TRAF3IP1: variants seen among roughly 807,000 people sequenced by gnomAD.
The protein encoded by TRAF3IP1 is intraflagellar transport 54.
In TRAF3IP1, 53 loss-of-function variants were observed where a neutral mutation model predicts 89.9. The observed-to-expected ratio is 0.59, with a 90% CI of 0.47 to 0.74. The LOEUF is 0.74. Among genes scored for constraint, TRAF3IP1 ranks in the 30% least tolerant of loss-of-function variants. The probability of loss-of-function intolerance (pLI) is 0.00; values close to 1 mark genes in which losing one functional copy is unlikely to be tolerated. For synonymous variants in TRAF3IP1, 311 were observed against 322.1 expected, an observed-to-expected ratio of 0.97 and a Z score of 0.37; for missense variants, 806 against 866.1, an observed-to-expected ratio of 0.93 and a Z score of 0.87.
At chr2:238,343,003 G>T (rs1227645351) in intron 8 of TRAF3IP1, among the ~76,000 whole-genome samples, 2 of 152,050 alleles carry the variant, frequency 1.3e-5, no homozygotes, top group African/African-American at 2.4e-5. Flanking sequence ...TTTTTAGAGT[G>T]GTAGGTCCTT....
intron 15 of TRAF3IP1, among the ~76,000 whole-genome samples, chr2:238,366,390 C>T (rs1374697467): frequency 6.6e-6 from 1 of 151,918 alleles, no homozygotes; most frequent in Non-Finnish European, 1.5e-5. Context: ...TAGGCCTTTT[C>T]TCTATAGACA....
chr2:238,399,513 T>C lies in TRAF3IP1; in HGVS notation c.*594T>C, dbSNP rs1013352990. The C allele has an allele frequency of 1.3e-5, 2 of 152,248 alleles. No homozygotes were observed. Among genetic ancestry groups the C allele is most frequent in the African/African-American group, 4.8e-5 (2 of 41,452 alleles). 9.4% of individuals were successfully genotyped at this position (152,248 alleles called of 1,614,324 possible). A position where few individuals can be genotyped will look rare whatever the true frequency, so the allele number is the denominator to read the frequency against. ...TTGTAATTGCATGTACTTCTCTATG[T>C]AATTTTCCTCTTGATCTCTACTATC... On this transcript the variant is annotated 3_prime_UTR_variant, in exon 17 of 17. Coordinates refer to ENST00000373327, the MANE Select transcript of TRAF3IP1 (RefSeq NM_015650.4).
chr2:238,389,091 A>G (rs1445737635), intron 15 of TRAF3IP1, among the ~76,000 whole-genome samples: 1 of 152,192 alleles, frequency 6.6e-6, no homozygotes, highest in Non-Finnish European at 1.5e-5. Context: ...AATGTCGGGT[A>G]GAGCTCTGCT....
Position 238,334,483 on chromosome 2 carries a change from G to A in TRAF3IP1, c.1063+448G>A, listed in dbSNP as rs142345405. ...GCCATGCTAAAAGCCGAATGTACAG[G>A]CCTGGCCTGCGGTCCGCTGAAGGAT... On this transcript the variant is annotated intron_variant, in intron 7 of 16. Coordinates refer to ENST00000373327, the MANE Select transcript of TRAF3IP1 (RefSeq NM_015650.4). Among the ~76,000 whole-genome samples the A allele has an allele frequency of 1.0e-3, 152 of 151,880 alleles. 1 individual carries two copies. Among genetic ancestry groups the A allele is most frequent in the African/African-American group, 3.4e-3 (143 of 41,552 alleles).
At chr2:238,397,394 A>C in intron 15 of TRAF3IP1, 65 bp from the exon 16 acceptor site, 1 of 1,450,224 alleles carries the variant, frequency 6.9e-7, no homozygotes, top group Non-Finnish European at 9.6e-7. Flanking sequence ...TGCTGAGTGC[A>C]CCGGCCCTGT....
intron 15 of TRAF3IP1, among the ~76,000 whole-genome samples, chr2:238,396,552 AAAAGG>A (rs1701233478): frequency 6.6e-6 from 1 of 152,118 alleles, no homozygotes; most frequent in Admixed American, 6.5e-5. Context: ...ATTAAAAAAA[AAAAGG>A]AAAGAAGGAG....
chr2:238,384,662 C>T (rs569825543), intron 15 of TRAF3IP1, among the ~76,000 whole-genome samples: 12 of 150,884 alleles, frequency 8.0e-5, no homozygotes, highest in African/African-American at 2.7e-4. Flanking sequence ...GGATTACAGG[C>T]GTGAGCCACC....
At chr2:238,356,150 G>A (rs1040780536) in intron 15 of TRAF3IP1, 70 bp downstream of exon 15, 2 of 1,219,058 alleles carry the variant, frequency 1.6e-6, no homozygotes, top group African/African-American at 3.2e-5. Flanking sequence ...ACTTTTACAA[G>A]TTGGAGCATC....
In TRAF3IP1 at chr2:238,389,777, A is replaced by ATAATAG. The variant is rs1491179129; in HGVS notation, c.1690-7680_1690-7679insATAGTA. On this transcript the variant is annotated intron_variant, in intron 15 of 16. Coordinates refer to ENST00000373327, the MANE Select transcript of TRAF3IP1 (RefSeq NM_015650.4). ...AATAATAATAATAATAATAATAATA[A>ATAATAG]TAGTAATAATTCTCTTGAAGGATTG... is the stretch of plus-strand genomic sequence containing the variant. Among the ~76,000 whole-genome samples the ATAATAG allele has an allele frequency of 2.7e-4, 39 of 144,894 alleles. 1 individual carries two copies. Among genetic ancestry groups the ATAATAG allele is most frequent in the African/African-American group, 9.1e-4 (37 of 40,566 alleles).
intron 5 of TRAF3IP1, among the ~76,000 whole-genome samples, chr2:238,331,498 G>T (rs1643181190): frequency 1.3e-5 from 2 of 152,110 alleles, no homozygotes; most frequent in African/African-American, 2.4e-5. Flanking sequence ...ACAACAAAAA[G>T]AAATTTTTAG....
intron 5 of TRAF3IP1, among the ~76,000 whole-genome samples, chr2:238,331,161 A>G (rs2106366976): frequency 6.6e-6 from 1 of 152,134 alleles, no homozygotes; most frequent in East Asian, 1.9e-4. Flanking sequence ...ACCATTCCAA[A>G]GAAATTCTTA....
chr2:238,380,206 T>G (rs1700487652), intron 15 of TRAF3IP1, among the ~76,000 whole-genome samples: 1 of 152,030 alleles, frequency 6.6e-6, no homozygotes, highest in Admixed American at 6.6e-5. Context: ...TGGCGCTGGG[T>G]GTAAAATTGC....
At position 238,320,729 on chromosome 2, in the gene TRAF3IP1, A is replaced by G. The variant is rs1422958883; in HGVS notation, c.67A>G (p.Thr23Ala). ...LGKVIRRPPL[T>A]EKLLSKPPFR... ...GAAAGTGATTCGGAGGCCGCCGCTG[A>G]CCGAGAAGCTGCTGAGCAAGCCCCC... Residue 23 changes from threonine (T) to alanine (A), a missense_variant, in exon 1 of 17, where the codon ACC (threonine) becomes GCC (alanine). By Grantham distance (58) the Thr-to-Ala change is moderately conservative. Transcript: ENST00000373327. 1 of 1,452,488 alleles carries G rather than the reference A, an allele frequency of 6.9e-7. No individual in the cohort carries two copies. Among genetic ancestry groups the G allele is most frequent in the Non-Finnish European group, 9.2e-7 (1 of 1,091,882 alleles). The allele number at this position is 1,452,488 out of a possible 1,614,324, so 90.0% of individuals were successfully genotyped here. A position where few individuals can be genotyped will look rare whatever the true frequency, so the allele number is the denominator to read the frequency against.
At chr2:238,341,590 G>A (rs1182300249) in intron 8 of TRAF3IP1, among the ~76,000 whole-genome samples, 1 of 149,008 alleles carries the variant, frequency 6.7e-6, no homozygotes, top group Non-Finnish European at 1.5e-5. Flanking sequence ...ACTTAGTGTA[G>A]CTAAAATTTG....
At chr2:238,364,614 C>A (rs770986150) in intron 15 of TRAF3IP1, among the ~76,000 whole-genome samples, 8 of 151,932 alleles carry the variant, frequency 5.3e-5, no homozygotes, top group Admixed American at 3.3e-4. Flanking sequence ...ACATGATCTT[C>A]CCTTTGTTTC....
At chr2:238,337,281 T>C (rs1253612569) in intron 7 of TRAF3IP1, among the ~76,000 whole-genome samples, 1 of 152,114 alleles carries the variant, frequency 6.6e-6, no homozygotes, top group Non-Finnish European at 1.5e-5. Flanking sequence ...AGGGCCTCTC[T>C]GAGGGAGGAC....
In TRAF3IP1 at chr2:238,351,271, C is replaced by T. The variant is rs968310887; in HGVS notation, c.1452-1556C>T. On this transcript the variant is annotated intron_variant, in intron 12 of 16. Transcript: ENST00000373327. This position sits in a 1 kb window ranked among gnomAD's most constrained non-coding sequence, Gnocchi z 5.2. Reference sequence around the variant, plus strand: ...GAAATCACAAGTAAGACAGGAGCACCGTTGGTGAGAGTGGCGGGTCCAGGA... The same window carrying T: ...GAAATCACAAGTAAGACAGGAGCACTGTTGGTGAGAGTGGCGGGTCCAGGA... Among the ~76,000 whole-genome samples, 5 of 152,030 alleles carry T rather than the reference C, an allele frequency of 3.3e-5. No individual in the cohort carries two copies. Among genetic ancestry groups the T allele is most frequent in the Non-Finnish European group, 5.9e-5 (4 of 68,020 alleles).
chr2:238,392,722 A>G (rs1309703608), intron 15 of TRAF3IP1, among the ~76,000 whole-genome samples: 1 of 152,192 alleles, frequency 6.6e-6, no homozygotes, highest in African/African-American at 2.4e-5. Flanking sequence ...GATTACAGGC[A>G]TGCGCCACCG....
At position 238,398,922 on chromosome 2, in the gene TRAF3IP1, A is replaced by C; in HGVS notation, c.*3A>C. 5 of 1,590,674 alleles carry C rather than the reference A, an allele frequency of 3.1e-6. No homozygotes were observed. Among genetic ancestry groups the C allele is most frequent in the Non-Finnish European group, 4.3e-6 (5 of 1,173,816 alleles). On this transcript the variant is annotated 3_prime_UTR_variant, in exon 17 of 17. Transcript: ENST00000373327. ...TCAATTTGACTTCGAGAAGGTGAAC[A>C]CTCAAAAGTTTCAGAGATGAAAAGT...
Sources: gnomAD v4.1 joint callset for allele counts (sites outside exome capture counted in the v4.1 genomes callset) on GRCh38, gnomAD v4.1.1 for gene constraint, Gnocchi (gnomAD v3.1) non-coding constraint, MANE v1.5 for transcripts, NCBI Gene and HGNC (gene_info 2026-07-23, HGNC 2026-07-21) for gene names.